Variants in BCAR3 observed in about 807,000 individuals in gnomAD.
BCAR3 encodes BCAR3 adaptor protein, NSP family member.
Under a neutral mutation model 80.1 loss-of-function variants are expected in BCAR3, and 37 were observed. The ratio of observed to expected loss-of-function variants is 0.46; its 90% CI spans 0.36 to 0.61. BCAR3 has a LOEUF of 0.61. BCAR3 is among the 20% of genes least tolerant of loss of function. BCAR3 has a pLI of 0.00. For missense variants in BCAR3, 978 were observed against 1,068.2 expected (o/e 0.92, Z 1.18); for synonymous variants, 389 against 418.9 (o/e 0.93, Z 0.87).
At chr1:93,750,925 G>A (rs889862272) in intron 2 of BCAR3, among the ~76,000 whole-genome samples, 1 of 152,134 alleles carries the variant, frequency 6.6e-6, no homozygotes, top group African/African-American at 2.4e-5. Flanking sequence ...TTTCTGACCC[G>A]CAGAATCCAT....
intron 7 of BCAR3, among the ~76,000 whole-genome samples, chr1:93,580,451 C>A (rs1329188782): frequency 6.6e-6 from 1 of 151,852 alleles, no homozygotes; most frequent in African/African-American, 2.4e-5. Context: ...ATACAGTCAG[C>A]CCTCCTTATC....
intron 2 of BCAR3, among the ~76,000 whole-genome samples, chr1:93,659,403 G>A (rs1388955474): frequency 6.6e-6 from 1 of 151,724 alleles, no homozygotes; most frequent in East Asian, 1.9e-4. Context: ...ATGTTGTCCA[G>A]GCTGTTCTCA....
intron 2 of BCAR3, among the ~76,000 whole-genome samples, chr1:93,751,045 A>T (rs1231055816): frequency 1.3e-5 from 2 of 152,196 alleles, no homozygotes; most frequent in Non-Finnish European, 2.9e-5. Context: ...CATGGTAACC[A>T]AGAAACACCA....
At chr1:93,645,656 GTA>G (rs1021560041) in intron 2 of BCAR3, among the ~76,000 whole-genome samples, 1 of 150,648 alleles carries the variant, frequency 6.6e-6, no homozygotes, top group African/African-American at 2.4e-5. Flanking sequence ...GTGTGTGTGT[GTA>G]TATATATGTA....
intron 2 of BCAR3, among the ~76,000 whole-genome samples, chr1:93,728,280 A>C (rs566742181): frequency 6.6e-6 from 1 of 152,334 alleles, no homozygotes; most frequent in East Asian, 1.9e-4. Context: ...CCGCTGCTCA[A>C]ACCTCTAGGG....
At chr1:93,614,110 C>T (rs1570970693) in intron 3 of BCAR3, 6 of 1,414,900 alleles carry the variant, frequency 4.2e-6, no homozygotes, top group African/African-American at 2.9e-5. Context: ...GACTTTTCCC[C>T]TCTGCTGAAG....
intron 1 of BCAR3, among the ~76,000 whole-genome samples, chr1:93,846,027 C>T (rs1268697779): frequency 6.6e-6 from 1 of 151,454 alleles, no homozygotes; most frequent in East Asian, 2.0e-4. Flanking sequence ...GTTCTCCACG[C>T]TCACTAGCTG....
chr1:93,729,831 C>T (rs1427094168), intron 2 of BCAR3, among the ~76,000 whole-genome samples: 1 of 152,188 alleles, frequency 6.6e-6, no homozygotes, highest in African/African-American at 2.4e-5. Context: ...GAACTGGGGC[C>T]ACATCAGCTT....
At chr1:93,654,746 G>A (rs1263778260) in intron 2 of BCAR3, among the ~76,000 whole-genome samples, 1 of 152,034 alleles carries the variant, frequency 6.6e-6, no homozygotes, top group Non-Finnish European at 1.5e-5. Context: ...CTTTTGCCCA[G>A]AATATTCATC....
intron 11 of BCAR3, among the ~76,000 whole-genome samples, chr1:93,566,884 C>T (rs1008235900): frequency 3.3e-5 from 5 of 152,094 alleles, no homozygotes; most frequent in Non-Finnish European, 5.9e-5. Flanking sequence ...CACACCATCA[C>T]GCCCAGCTAA....
intron 7 of BCAR3, among the ~76,000 whole-genome samples, chr1:93,579,000 T>G (rs1224463822): frequency 1.3e-5 from 2 of 152,158 alleles, no homozygotes; most frequent in East Asian, 3.9e-4. Flanking sequence ...TCGGGCCAAG[T>G]GCTTCACTAC....
intron 2 of BCAR3, among the ~76,000 whole-genome samples, chr1:93,657,618 C>T (rs1300052611): frequency 2.6e-5 from 4 of 151,436 alleles, no homozygotes; most frequent in Non-Finnish European, 4.4e-5. Context: ...CATGAGAAAA[C>T]CTGTTAATAC....
At chr1:93,813,403 T>C (rs1653912777) in intron 2 of BCAR3, among the ~76,000 whole-genome samples, 1 of 152,150 alleles carries the variant, frequency 6.6e-6, no homozygotes, top group Non-Finnish European at 1.5e-5. Context: ...TTTCACTGAC[T>C]CAAATCGGGT....
chr1:93,573,615 A>ATTT (rs919862286), intron 8 of BCAR3, among the ~76,000 whole-genome samples: 3 of 129,800 alleles, frequency 2.3e-5, no homozygotes, highest in Non-Finnish European at 3.3e-5. Context: ...TATTTTTATT[A>ATTT]TTATTATTAT....
At chr1:93,690,024 G>A (rs960863594) in intron 3 of BCAR3, among the ~76,000 whole-genome samples, 1 of 152,166 alleles carries the variant, frequency 6.6e-6, no homozygotes, top group Non-Finnish European at 1.5e-5. Context: ...AATCTGTAGA[G>A]GAATTATTTA....
At chr1:93,780,350 TA>T (rs1652723207) in intron 2 of BCAR3, among the ~76,000 whole-genome samples, 1 of 152,216 alleles carries the variant, frequency 6.6e-6, no homozygotes, top group East Asian at 1.9e-4. Context: ...AATTGACTCA[TA>T]ATGTTTCTTC....
intron 2 of BCAR3, among the ~76,000 whole-genome samples, chr1:93,723,884 C>T (rs1650491809): frequency 1.3e-5 from 2 of 152,130 alleles, no homozygotes; most frequent in Non-Finnish European, 2.9e-5. Context: ...AGAAGGGCTA[C>T]CCTGCTCTTA....
intron 3 of BCAR3, among the ~76,000 whole-genome samples, chr1:93,641,276 G>A (rs1192671993): frequency 6.6e-6 from 1 of 152,204 alleles, no homozygotes; most frequent in African/African-American, 2.4e-5. Flanking sequence ...CTTTTAAAGA[G>A]GGAGGAAATG....
chr1:93,567,539 T>G, intron 10 of BCAR3, 48 bp from the exon 11 acceptor site: 1 of 1,593,454 alleles, frequency 6.3e-7, no homozygotes, highest in Non-Finnish European at 8.6e-7. Context: ...TTTCCAAAGT[T>G]AAGCACAGAA....
Sources: allele counts gnomAD v4.1 joint callset (sites outside exome capture counted in the v4.1 genomes callset), GRCh38; gene constraint gnomAD v4.1.1; transcripts MANE v1.5; gene names NCBI Gene and HGNC (gene_info 2026-07-23, HGNC 2026-07-21).